PDLIM5: variants seen among roughly 807,000 people sequenced by gnomAD.
PDLIM5 encodes PDZ and LIM domain 5, also known as PDZ and LIM domain protein 5.
In PDLIM5, 34 loss-of-function variants were observed where a neutral mutation model predicts 64.2. The observed-to-expected ratio is 0.53, with a 90% CI of 0.40 to 0.71. The LOEUF is 0.71. Among genes scored for constraint, PDLIM5 ranks in the 30% least tolerant of loss-of-function variants. The pLI is 0.00. For synonymous variants in PDLIM5, 253 were observed against 269.1 expected (o/e 0.94, Z 0.59); for missense variants, 683 against 733.6 (o/e 0.93, Z 0.80).
At chr4:94,542,926 T>C (rs960690399) in intron 3 of PDLIM5, among the ~76,000 whole-genome samples, 6 of 152,204 alleles carry the variant, frequency 3.9e-5, no homozygotes, top group Admixed American at 3.9e-4. Flanking sequence ...TAAATACATT[T>C]TTGTAATTCA....
chr4:94,495,040 C>T (rs139102918), intron 2 of PDLIM5, among the ~76,000 whole-genome samples: 14 of 152,258 alleles, frequency 9.2e-5, no homozygotes, highest in African/African-American at 2.2e-4. Flanking sequence ...CCACCATGCC[C>T]GGCCCGACCA....
intron 7 of PDLIM5, among the ~76,000 whole-genome samples, chr4:94,603,694 C>T (rs933159742): frequency 5.9e-5 from 9 of 152,164 alleles, no homozygotes; most frequent in Non-Finnish European, 1.0e-4. Flanking sequence ...TGCGCACGCG[C>T]GCGTGTGTGA....
chr4:94,564,748 T>A (rs1734160962), intron 3 of PDLIM5, among the ~76,000 whole-genome samples: 1 of 142,336 alleles, frequency 7.0e-6, no homozygotes, highest in Non-Finnish European at 1.5e-5. Flanking sequence ...CTCCACCTCC[T>A]GGGTTCAAGC....
intron 8 of PDLIM5, among the ~76,000 whole-genome samples, chr4:94,622,642 C>T (rs1739329319): frequency 6.6e-6 from 1 of 151,124 alleles, no homozygotes; most frequent in Non-Finnish European, 1.5e-5. Context: ...CCCTCCTTCC[C>T]TCCCTCTCTC....
At chr4:94,594,432 A>G (rs1235815371) in intron 7 of PDLIM5, among the ~76,000 whole-genome samples, 1 of 152,096 alleles carries the variant, frequency 6.6e-6, no homozygotes, top group African/African-American at 2.4e-5. Flanking sequence ...TAATAAGGAA[A>G]TGTTTAAATA....
chr4:94,542,336 T>TAAATAAATA (rs34137049), intron 3 of PDLIM5, among the ~76,000 whole-genome samples: 44 of 141,572 alleles, frequency 3.1e-4, no homozygotes, highest in South Asian at 9.3e-4. Context: ...ATAAATAAAG[T>TAAATAAATA]AAGTAAGTAA....
At chr4:94,479,166 C>G (rs1461431491) in intron 2 of PDLIM5, among the ~76,000 whole-genome samples, 1 of 150,968 alleles carries the variant, frequency 6.6e-6, no homozygotes, top group African/African-American at 2.4e-5. Context: ...TTCCAAAGTG[C>G]TGGGATTACA....
intron 11 of PDLIM5, among the ~76,000 whole-genome samples, chr4:94,661,364 G>A (rs948825964): frequency 1.3e-5 from 2 of 152,042 alleles, no homozygotes; most frequent in African/African-American, 4.8e-5. Context: ...CTACACTCAA[G>A]CCTGGGTGAC....
chr4:94,575,287 C>G (rs1450127191), intron 4 of PDLIM5, among the ~76,000 whole-genome samples: 5 of 152,000 alleles, frequency 3.3e-5, no homozygotes, highest in Non-Finnish European at 1.5e-5. Context: ...AAACATTTTT[C>G]CTTTGGAATA....
chr4:94,562,671 C>T (rs550486240), intron 3 of PDLIM5, among the ~76,000 whole-genome samples: 18 of 152,240 alleles, frequency 1.2e-4, no homozygotes, highest in Middle Eastern at 3.4e-3. Context: ...GAGTAACATA[C>T]GTTGTGACTT....
At chr4:94,492,380 G>A in intron 2 of PDLIM5, among the ~76,000 whole-genome samples, 1 of 151,840 alleles carries the variant, frequency 6.6e-6, no homozygotes, top group Admixed American at 6.6e-5. Flanking sequence ...ATGCACTGTG[G>A]TAGTTTTTAA....
intron 2 of PDLIM5, among the ~76,000 whole-genome samples, chr4:94,467,273 G>A (rs1724449977): frequency 2.6e-5 from 4 of 151,594 alleles, no homozygotes; most frequent in Admixed American, 6.6e-5. Flanking sequence ...GTTTCTTCTA[G>A]ATTTGTTAAT....
At chr4:94,656,196 C>G (rs1356733474) in intron 10 of PDLIM5, among the ~76,000 whole-genome samples, 7 of 152,048 alleles carry the variant, frequency 4.6e-5, no homozygotes, top group Admixed American at 4.6e-4. Context: ...TTCTAGTTTG[C>G]TCTTTATAAG....
At chr4:94,554,640 C>A (rs1733104277) in intron 3 of PDLIM5, among the ~76,000 whole-genome samples, 1 of 152,130 alleles carries the variant, frequency 6.6e-6, no homozygotes, top group South Asian at 2.1e-4. Flanking sequence ...ATAATTTTGA[C>A]AAATGCATAT....
At chr4:94,509,603 G>T (rs1047898344) in intron 2 of PDLIM5, among the ~76,000 whole-genome samples, 1 of 152,142 alleles carries the variant, frequency 6.6e-6, no homozygotes, top group Non-Finnish European at 1.5e-5. Flanking sequence ...GAATATATAT[G>T]TAAAGGTGAG....
intron 7 of PDLIM5, among the ~76,000 whole-genome samples, chr4:94,615,685 C>T (rs981813018): frequency 3.3e-5 from 5 of 152,146 alleles, no homozygotes; most frequent in African/African-American, 4.8e-5. Context: ...TGGCTAAATT[C>T]GTTGTGCGGC....
chr4:94,543,513 A>G (rs931518934), intron 3 of PDLIM5, among the ~76,000 whole-genome samples: 1 of 152,116 alleles, frequency 6.6e-6, no homozygotes, highest in East Asian at 1.9e-4. Flanking sequence ...TATAATCACC[A>G]TCTTTTACAA....
At chr4:94,533,492 C>T (rs1002238918) in intron 3 of PDLIM5, among the ~76,000 whole-genome samples, 8 of 151,984 alleles carry the variant, frequency 5.3e-5, no homozygotes, top group African/African-American at 1.9e-4. Flanking sequence ...TTTTAAGGTC[C>T]ATGAAATAGA....
intron 8 of PDLIM5, among the ~76,000 whole-genome samples, chr4:94,635,859 G>C (rs1010943625): frequency 6.6e-6 from 1 of 152,204 alleles, no homozygotes; most frequent in African/African-American, 2.4e-5. Context: ...GGAAATAGCT[G>C]TGCCGTGGAA....
Sources: gnomAD v4.1 joint callset for allele counts (sites outside exome capture counted in the v4.1 genomes callset) on GRCh38, gnomAD v4.1.1 for gene constraint, MANE v1.5 for transcripts, NCBI Gene and HGNC (gene_info 2026-07-23, HGNC 2026-07-21) for gene names.